Variants in LRP1 observed in about 807,000 individuals in gnomAD.
LRP1 encodes LDL receptor related protein 1.
A neutral mutation model predicts 541.5 loss-of-function variants in LRP1; 51 were observed. The observed-to-expected ratio is 0.09, with a 90% CI of 0.08 to 0.12. LRP1 has a LOEUF of 0.12. Among genes scored for constraint, LRP1 ranks in the 10% least tolerant of loss-of-function variants. LRP1 has a pLI of 1.00. For missense variants in LRP1, 3,878 were observed against 6,376.2 expected (o/e 0.61, Z 13.34); for synonymous variants, 2,219 against 2,470.8 (o/e 0.90, Z 3.02).
chr12:57,183,687 C>A lies in LRP1; in HGVS notation c.5795-88C>A. The A allele has an allele frequency of 6.4e-7, 1 of 1,565,636 alleles. No individual in the cohort carries two copies. Among genetic ancestry groups the A allele is most frequent in the South Asian group, 1.2e-5 (1 of 85,958 alleles). ...GCACCTGGCCCCTCCGGCACTCTCT[C>A]ACCTCTGTCTTGAGCCTTGTGAGAT... On this transcript the variant is annotated intron_variant, in intron 35 of 88. Transcript: ENST00000243077. This position sits in a 1 kb window ranked among gnomAD's most constrained non-coding sequence, Gnocchi z 6.1.
chr12:57,184,736 G>C lies in LRP1; in HGVS notation c.6187-103G>C. 2.3e-6 allele frequency: 3 copies of C among 1,306,260 alleles called. No homozygotes were observed. The highest frequency in any genetic ancestry group is 3.2e-6 in the Non-Finnish European group (3 of 946,020). The allele number at this position is 1,306,260 out of a possible 1,614,324, so 80.9% of individuals were successfully genotyped here. The stretch of plus-strand genomic sequence containing the variant: ...AGGCAGGAGTGAGTTAGGGGAGGCT[G>C]AACTGAGGGCCTCACTCTGGCCCAG... On this transcript the variant is annotated intron_variant, in intron 38 of 88. Coordinates refer to ENST00000243077, the MANE Select transcript of LRP1 (RefSeq NM_002332.3). This position sits in a 1 kb window ranked among gnomAD's most constrained non-coding sequence, Gnocchi z 7.8.
At chr12:57,176,282 C>T (rs140148432) in intron 24 of LRP1, among the ~76,000 whole-genome samples, 176 bp downstream of exon 24, 17 of 152,374 alleles carry the variant, frequency 1.1e-4, no homozygotes, top group African/African-American at 3.4e-4. Context: ...CCGTAATTAT[C>T]GTCAGCAGAA....
chr12:57,202,574 C>T, intron 68 of LRP1, 37 bp downstream of exon 68: 1 of 1,475,326 alleles, frequency 6.8e-7, no homozygotes, highest in East Asian at 2.5e-5. Context: ...ATGAGCCCCT[C>T]CCAGGCCTGG....
rs1592654096 is a variant in LRP1 at position 57,197,812 on chromosome 12, C to T, written c.9282+148C>T. ...ACTGCTTGTTCTAGCTGCTCACTCT[C>T]CTCTGGGCCCAGACAGCAAGGACTG... On this transcript the variant is annotated intron_variant, in intron 58 of 88. Transcript: ENST00000243077. This position sits in a 1 kb window ranked among gnomAD's most constrained non-coding sequence, Gnocchi z 4.5. 1 of 926,716 alleles carries T rather than the reference C, an allele frequency of 1.1e-6. No homozygotes were observed. 57.4% of individuals were successfully genotyped at this position (926,716 alleles called of 1,614,324 possible). A position where few individuals can be genotyped will look rare whatever the true frequency, so the allele number is the denominator to read the frequency against.
intron 10 of LRP1, among the ~76,000 whole-genome samples, chr12:57,157,541 G>T (rs774409145): frequency 1.3e-5 from 2 of 152,246 alleles, no homozygotes; most frequent in African/African-American, 2.4e-5. Context: ...AACCTGGGAG[G>T]TGGAGGTTGC....
At chr12:57,145,618 T>C (rs1042787083) in intron 6 of LRP1, 128 bp downstream of exon 6, 3 of 1,206,090 alleles carry the variant, frequency 2.5e-6, no homozygotes. Flanking sequence ...AGCAGGAGGC[T>C]GGATACAATG....
chr12:57,208,159 C>T lies in LRP1; in HGVS notation c.11981C>T (p.Thr3994Met), dbSNP rs199660560. 11 of 1,614,138 alleles carry T rather than the reference C, an allele frequency of 6.8e-6. No individual in the cohort carries two copies. The highest frequency in any genetic ancestry group is 1.3e-5 in the African/African-American group (1 of 75,062). ...CAGATGAAGGGCGAGAACCGCAAGA[C>T]GCTCATCTCGGGCATGATTGACGAG... is the stretch of plus-strand genomic sequence containing the variant. ...VAQMKGENRK[T>M]LISGMIDEPH... The change falls in exon 77 of 89, where the codon ACG becomes ATG. Residue 3994 changes from threonine to methionine, a missense_variant. Coordinates refer to ENST00000243077, the MANE Select transcript of LRP1 (RefSeq NM_002332.3).
In LRP1 at chr12:57,183,642, T is replaced by C. The variant is rs1357745171; in HGVS notation, c.5794+132T>C. ...GGGGCACTTGCTACAGCTGCCACCC[T>C]GACTCCACCTCCCCTTCAAGCACCT... On this transcript the variant is annotated intron_variant, in intron 35 of 88. Transcript: ENST00000243077. The surrounding 1 kb of genome is among the most constrained non-coding windows in gnomAD (Gnocchi z 6.1). 6.8e-7 allele frequency: 1 copy of C among 1,479,228 alleles called. No individual in the cohort carries two copies. Among genetic ancestry groups the C allele is most frequent in the Non-Finnish European group, 9.1e-7 (1 of 1,093,870 alleles). 91.6% of individuals were successfully genotyped at this position (1,479,228 alleles called of 1,614,324 possible). A position where few individuals can be genotyped will look rare whatever the true frequency, so the allele number is the denominator to read the frequency against.
rs761150455 is a variant in LRP1, at chr12:57,162,379, C to T, written c.2265C>T (p.Leu755=). 6.2e-7 allele frequency: 1 copy of T among 1,614,202 alleles called. No individual in the cohort carries two copies. Among genetic ancestry groups the T allele is most frequent in the South Asian group, 1.1e-5 (1 of 91,082 alleles). ...GCCTGTGTCACCATGGCAACTACCT[C>T]TTCTGGACTGAGTATCGGAGTGGCA... ...AFGLCHHGNY[L]FWTEYRSGSV... is the part of the protein sequence containing the mutation. Residue 755 remains leucine, a synonymous_variant, in exon 14 of 89, where the codon CTC becomes CTT. Coordinates refer to ENST00000243077, the MANE Select transcript of LRP1 (RefSeq NM_002332.3). The surrounding 1 kb of genome is among the most constrained non-coding windows in gnomAD (Gnocchi z 5.2).
Position 57,184,973 on chromosome 12 carries a change from C to A in LRP1, c.6321C>A (p.Phe2107Leu). ...TTTCAGTGTCTGTGTTTGAGGATTTCATCTACTGGAGTGACAGGTGAGGGC... is the reference window on the plus strand; with the variant it reads ...TTTCAGTGTCTGTGTTTGAGGATTTAATCTACTGGAGTGACAGGTGAGGGC... ...DMFSVSVFED[F>L]IYWSDRTHAN... The change falls in exon 39 of 89, where the codon TTC (phenylalanine) becomes TTA (leucine). Residue 2107 changes from phenylalanine to leucine, a missense_variant. Coordinates refer to ENST00000243077, the MANE Select transcript of LRP1 (RefSeq NM_002332.3). This position sits in a 1 kb window ranked among gnomAD's most constrained non-coding sequence, Gnocchi z 7.8. 6.2e-7 allele frequency: 1 copy of A among 1,614,116 alleles called. No individual in the cohort carries two copies. Among genetic ancestry groups the A allele is most frequent in the South Asian group, 1.1e-5 (1 of 91,074 alleles).
rs1234843674 is a variant in LRP1 at position 57,198,654 on chromosome 12, C to T, written c.9660C>T (p.Gly3220=). The T allele has an allele frequency of 1.9e-6, 3 of 1,610,364 alleles. No homozygotes were observed. The highest frequency in any genetic ancestry group is 2.2e-5 in the East Asian group (1 of 44,694). ...ACATTGAATTTGCCAGCCTGGATGG[C>T]TCCAATCGCCACGTTGGTCAGTGTG... ...EDYIEFASLD[G]SNRHVVLSQD... is the part of the protein sequence containing the mutation. Residue 3220 remains glycine (G), a synonymous_variant, in exon 60 of 89, where the codon GGC becomes GGT. Transcript: ENST00000243077.
rs1381974693 is a variant in LRP1 at position 57,184,101 on chromosome 12, A to G, written c.5946A>G (p.Thr1982=). The G allele has an allele frequency of 6.2e-7, 1 of 1,613,936 alleles. No homozygotes were observed. Among genetic ancestry groups the G allele is most frequent in the Non-Finnish European group, 8.5e-7 (1 of 1,179,978 alleles). ...VDWIAGNIYW[T]DQGFDVIEVA... ...CCTCCTTAGGCAACATCTACTGGAC[A>G]GACCAGGGCTTTGATGTCATCGAGG... Residue 1982 remains threonine, a synonymous_variant, in exon 37 of 89, where the codon ACA becomes ACG. Coordinates refer to ENST00000243077, the MANE Select transcript of LRP1 (RefSeq NM_002332.3). The surrounding 1 kb of genome is among the most constrained non-coding windows in gnomAD (Gnocchi z 7.8).
intron 2 of LRP1, among the ~76,000 whole-genome samples, chr12:57,140,006 A>G (rs1043345585): frequency 6.6e-6 from 1 of 152,254 alleles, no homozygotes; most frequent in South Asian, 2.1e-4. Flanking sequence ...CACCGTGTCC[A>G]GGCTTGGGGG....
chr12:57,191,928 T>TACCACACACACTACACAC, intron 44 of LRP1, among the ~76,000 whole-genome samples: 1 of 1,862 alleles, frequency 5.4e-4, no homozygotes, highest in South Asian at 0.013. Flanking sequence ...ACACTACACA[T>TACCACACACACTACACAC]ACCACACACA....
Position 57,194,627 on chromosome 12 carries a change from C to A in LRP1, c.8119C>A (p.Arg2707Ser), listed in dbSNP as rs1319785878. 6.2e-7 allele frequency: 1 copy of A among 1,609,552 alleles called. No individual in the cohort carries two copies. The change falls in exon 50 of 89, where the codon CGC (arginine) becomes AGC (serine). Residue 2707 changes from arginine (R) to serine (S), a missense_variant. Physicochemically the swap from Arg to Ser is moderately radical, Grantham distance 110. Around this residue, in one of 13 missense-constraint regions of LRP1, gnomAD observed 1,100 missense variants for 1,827.4 expected, o/e 0.60. Transcript: ENST00000243077. ...PLNYFACPSG[R>S]CIPMSWTCDK... ...GAATTACTTCGCCTGCCCTAGTGGG[C>A]GCTGCATCCCCATGAGCTGGACGTG...
Position 57,197,124 on chromosome 12 carries a change from C to G in LRP1, c.9035C>G (p.Ala3012Gly), listed in dbSNP as rs757890683. The change falls in exon 56 of 89, where the codon GCA becomes GGA. Residue 3012 changes from alanine (A) to glycine (G), a missense_variant. Ala to Gly is a moderately conservative substitution (Grantham distance 60). Around this residue, in one of 13 missense-constraint regions of LRP1, gnomAD observed 1,100 missense variants for 1,827.4 expected, o/e 0.60. Coordinates refer to ENST00000243077, the MANE Select transcript of LRP1 (RefSeq NM_002332.3). The surrounding 1 kb of genome is among the most constrained non-coding windows in gnomAD (Gnocchi z 4.5). ...SYKCLCVEGY[A>G]PRGGDPHSCK... Reference sequence around the variant, plus strand: ...AAGTGTCTGTGTGTGGAGGGCTATGCACCCCGCGGCGGCGACCCCCACAGC... The same window carrying G: ...AAGTGTCTGTGTGTGGAGGGCTATGGACCCCGCGGCGGCGACCCCCACAGC... The G allele has an allele frequency of 1.2e-6, 2 of 1,613,964 alleles. No individual in the cohort carries two copies. The highest frequency in any genetic ancestry group is 3.3e-5 in the Admixed American group (2 of 60,024).
In LRP1 at chr12:57,138,460, C is replaced by G; in HGVS notation, c.69C>G (p.Ala23=). 1 of 1,613,874 alleles carries G rather than the reference C, an allele frequency of 6.2e-7. No individual in the cohort carries two copies. Among genetic ancestry groups the G allele is most frequent in the East Asian group, 2.2e-5 (1 of 44,872 alleles). The part of the protein sequence containing the change: ...LSALVAAAID[A]PKTCSPKQFA... ...TCCCCTTTTCTTTCCTTGCCCTAGC[C>G]CCTAAGACTTGCAGCCCCAAGCAGT... Residue 23 remains alanine, a splice_region_variant and synonymous_variant, in exon 2 of 89, where the codon GCC becomes GCG. Transcript: ENST00000243077.
At position 57,156,963 on chromosome 12, in the gene LRP1, G is replaced by T. The variant is rs35255762; in HGVS notation, c.1561+43G>T. Reference sequence around the variant, plus strand: ...GGGTGTGTGCCCATTGGGAGGCTGCGGGAGGGTTCCTCAGGTGTCCCCCAC... The same window carrying T: ...GGGTGTGTGCCCATTGGGAGGCTGCTGGAGGGTTCCTCAGGTGTCCCCCAC... On this transcript the variant is annotated intron_variant, in intron 10 of 88. Coordinates refer to ENST00000243077, the MANE Select transcript of LRP1 (RefSeq NM_002332.3). This position sits in a 1 kb window ranked among gnomAD's most constrained non-coding sequence, Gnocchi z 5.2. 8 of 1,520,762 alleles carry T rather than the reference G, an allele frequency of 5.3e-6. No individual in the cohort carries two copies. Among genetic ancestry groups the T allele is most frequent in the Non-Finnish European group, 7.1e-6 (8 of 1,128,378 alleles). 94.2% of individuals were successfully genotyped at this position (1,520,762 alleles called of 1,614,324 possible).
intron 67 of LRP1, 125 bp from the exon 68 acceptor site, chr12:57,202,296 C>A: frequency 1.3e-6 from 1 of 776,640 alleles, no homozygotes; most frequent in South Asian, 1.5e-5. Flanking sequence ...CTGGGCTCCC[C>A]GCGGCTGACC....
Sources: allele counts gnomAD v4.1 joint callset (sites outside exome capture counted in the v4.1 genomes callset), GRCh38; gene constraint gnomAD v4.1.1; regional missense constraint gnomAD v4.1.1; non-coding constraint Gnocchi (gnomAD v3.1); transcripts MANE v1.5; gene names NCBI Gene and HGNC (gene_info 2026-07-23, HGNC 2026-07-21).